The following NETO1 variants were observed in gnomAD, a reference collection of about 807,000 sequenced individuals.
NETO1 encodes neuropilin and tolloid-like protein 1.
Under a neutral mutation model 61.3 loss-of-function variants are expected in NETO1, and 26 were observed. That is an observed-to-expected ratio of 0.42 (90% confidence interval 0.31 to 0.59). The LOEUF (loss-of-function observed/expected upper bound fraction) is 0.59. Among genes scored for constraint, NETO1 ranks in the 20% least tolerant of loss-of-function variants. NETO1 has a pLI of 0.12. For missense variants in NETO1, 531 were observed against 662.8 expected (o/e 0.80, Z 2.18); for synonymous variants, 225 against 225.8 (o/e 1.00, Z 0.03).
chr18:72,777,506 C>A lies in NETO1; in HGVS notation c.868+6172G>T, dbSNP rs182143477. On this transcript the variant is annotated intron_variant, in intron 7 of 10. Coordinates refer to ENST00000327305, the MANE Select transcript of NETO1 (RefSeq NM_138966.5). The stretch of plus-strand genomic sequence containing the variant: ...CCTGTAATCCCAGCACTTTGGGATG[C>A]CGAGGGGTTGGATCACGAGGTCAGG... Among the ~76,000 whole-genome samples the A allele has an allele frequency of 2.0e-5, 3 of 151,774 alleles. No homozygotes were observed. The East Asian group carries it at 5.8e-4, about 30-fold the overall frequency.
rs943558468 is a variant in NETO1, at chr18:72,750,411, G to C, written c.1192C>G (p.Leu398Val). ...FEPPHYELCT[L>V]RGTGATADFA... ...TCAGCTGTAGCTCCTGTCCCTCTGAGAGTGCATAACTCATAATGAGGAGGT... is the reference window on the plus strand; with the variant it reads ...TCAGCTGTAGCTCCTGTCCCTCTGACAGTGCATAACTCATAATGAGGAGGT... The change falls in exon 9 of 11, where the codon CTC (leucine) becomes GTC (valine). Residue 398 changes from leucine to valine, a missense_variant. By Grantham distance (32) the Leu-to-Val change is conservative. Transcript: ENST00000327305. 6.2e-7 allele frequency: 1 copy of C among 1,614,102 alleles called. No homozygotes were observed. Among genetic ancestry groups the C allele is most frequent in the African/African-American group, 1.3e-5 (1 of 75,040 alleles).
In NETO1 at chr18:72,866,104, TAGTA is replaced by T. The variant is rs573161718; in HGVS notation, c.29-867_29-864del. On this transcript the variant is annotated intron_variant, in intron 1 of 10. Transcript: ENST00000327305. The stretch of plus-strand genomic sequence containing the variant: ...TTTACAAGACAAAACACTAGCAAAA[TAGTA>T]AGTAAGCTAGTCTTCATAATTTGAT... Among the ~76,000 whole-genome samples, 219 of 152,288 alleles carry T rather than the reference TAGTA, an allele frequency of 1.4e-3. 1 individual carries two copies. Among genetic ancestry groups the T allele is most frequent in the African/African-American group, 4.7e-3 (195 of 41,562 alleles).
At chr18:72,850,967 C>T (rs544173215) in intron 4 of NETO1, among the ~76,000 whole-genome samples, 20 of 152,146 alleles carry the variant, frequency 1.3e-4, no homozygotes, top group South Asian at 2.1e-4. Context: ...GTGCATGGAA[C>T]GAGCTCATTT....
At chr18:72,829,811 G>A (rs2073514085) in intron 4 of NETO1, among the ~76,000 whole-genome samples, 1 of 152,152 alleles carries the variant, frequency 6.6e-6, no homozygotes, top group South Asian at 2.1e-4. Context: ...AGACAGAGCT[G>A]CTCTTGCTTT....
intron 7 of NETO1, among the ~76,000 whole-genome samples, chr18:72,760,865 A>T (rs556654710): frequency 6.6e-6 from 1 of 152,244 alleles, no homozygotes; most frequent in South Asian, 2.1e-4. Context: ...TAACTTTTTC[A>T]GTTTCTGTTT....
chr18:72,769,168 T>C (rs75644806), intron 7 of NETO1, among the ~76,000 whole-genome samples: 3,291 of 152,260 alleles, frequency 0.022, 116 homozygotes, highest in African/African-American at 0.075. Context: ...CTACATTTTT[T>C]TTCTAATTAT....
chr18:72,748,643 T>C (rs1568166641), intron 10 of NETO1, among the ~76,000 whole-genome samples: 1 of 152,142 alleles, frequency 6.6e-6, no homozygotes, highest in Non-Finnish European at 1.5e-5. Flanking sequence ...ACTTCAGCTA[T>C]ACTGAGACTG....
At chr18:72,784,152 T>A (rs2071834823) in intron 6 of NETO1, among the ~76,000 whole-genome samples, 1 of 152,210 alleles carries the variant, frequency 6.6e-6, no homozygotes, top group Admixed American at 6.5e-5. Flanking sequence ...TTTACCCAAA[T>A]TCGCTTTATG....
In NETO1 at chr18:72,749,081, G is replaced by A. The variant is rs140859239; in HGVS notation, c.1549C>T (p.Leu517Phe). The change falls in exon 10 of 11, where the codon CTC (leucine) becomes TTC (phenylalanine). Residue 517 changes from leucine (L) to phenylalanine (F), a missense_variant. By Grantham distance (22) the Leu-to-Phe change is conservative. Coordinates refer to ENST00000327305, the MANE Select transcript of NETO1 (RefSeq NM_138966.5). ...RHDKAVQRFC[L>F]IGSLSKHESE... ...TCATGTTTGCTTAGAGACCCAATGA[G>A]GCAGAACCTGGAATGTTATGGCTAT... The A allele has an allele frequency of 8.2e-6, 13 of 1,594,994 alleles. No homozygotes were observed. Among genetic ancestry groups the A allele is most frequent in the South Asian group, 4.4e-5 (4 of 90,686 alleles).
chr18:72,784,039 T>C (rs1019125202), intron 6 of NETO1, 133 bp from the exon 7 acceptor site: 5 of 653,230 alleles, frequency 7.7e-6, no homozygotes, highest in Non-Finnish European at 1.3e-5. Flanking sequence ...CCCTTGTGAA[T>C]AGAAAGAAGA....
intron 7 of NETO1, among the ~76,000 whole-genome samples, chr18:72,780,116 G>A (rs944031838): frequency 1.3e-5 from 2 of 152,178 alleles, no homozygotes; most frequent in African/African-American, 4.8e-5. Context: ...TTGAAGGGGC[G>A]CCACAGAACC....
At chr18:72,765,682 G>A (rs528944173) in intron 7 of NETO1, among the ~76,000 whole-genome samples, 2 of 152,246 alleles carry the variant, frequency 1.3e-5, no homozygotes, top group Admixed American at 6.5e-5. Flanking sequence ...CTCCCAAAGT[G>A]CTGAGGTTAC....
intron 4 of NETO1, among the ~76,000 whole-genome samples, chr18:72,847,487 A>G (rs760599459): frequency 3.3e-5 from 5 of 152,234 alleles, no homozygotes; most frequent in Non-Finnish European, 5.9e-5. Context: ...GCAGAGCCTT[A>G]AAGAGTGCCA....
At chr18:72,825,970 A>G (rs2073359911) in intron 4 of NETO1, among the ~76,000 whole-genome samples, 1 of 152,186 alleles carries the variant, frequency 6.6e-6, no homozygotes, top group Non-Finnish European at 1.5e-5. Context: ...CTTAAAAATC[A>G]TATATACTTC....
chr18:72,779,575 G>A (rs887328627), intron 7 of NETO1, among the ~76,000 whole-genome samples: 14 of 152,004 alleles, frequency 9.2e-5, no homozygotes, highest in Admixed American at 3.9e-4. Context: ...AGCACTGATC[G>A]AAGCCCACTT....
At position 72,858,949 on chromosome 18, in the gene NETO1, G is replaced by A. The variant is rs775550513; in HGVS notation, c.346C>T (p.Arg116Cys). The change falls in exon 4 of 11, where the codon CGT becomes TGT. Residue 116 changes from arginine to cysteine, a missense_variant. Transcript: ENST00000327305. ...GGTGGATTTTGTTGTCCACAGAAAC[G>A]TCCAATTATTGGAGAAAAGCCAAAA... ...GPFGFSPIIG[R>C]FCGQQNPPVI... 3.1e-6 allele frequency: 5 copies of A among 1,613,794 alleles called. No homozygotes were observed. The highest frequency in any genetic ancestry group is 1.7e-5 in the Admixed American group (1 of 60,002).
At chr18:72,761,799 G>C (rs2070982683) in intron 7 of NETO1, among the ~76,000 whole-genome samples, 1 of 152,102 alleles carries the variant, frequency 6.6e-6, no homozygotes, top group South Asian at 2.1e-4. Context: ...ATAATCTTCA[G>C]TTAACATTTA....
intron 4 of NETO1, among the ~76,000 whole-genome samples, chr18:72,813,606 A>G (rs1427089184): frequency 1.3e-5 from 2 of 152,190 alleles, no homozygotes; most frequent in Admixed American, 1.3e-4. Flanking sequence ...AAAATACCTC[A>G]GTGTTTTTGA....
intron 4 of NETO1, among the ~76,000 whole-genome samples, chr18:72,838,192 G>A (rs1289698994): frequency 3.3e-5 from 5 of 152,180 alleles, no homozygotes; most frequent in Admixed American, 3.3e-4. Context: ...CTAAGAAAGA[G>A]GTTAAAGACA....
Sources: allele counts gnomAD v4.1 joint callset (sites outside exome capture counted in the v4.1 genomes callset), GRCh38; gene constraint gnomAD v4.1.1; transcripts MANE v1.5; gene names NCBI Gene and HGNC (gene_info 2026-07-23, HGNC 2026-07-21).